The following USP4 variants were observed in gnomAD, a reference collection of about 807,000 sequenced individuals.
USP4 encodes the protein ubiquitin carboxyl-terminal hydrolase 4.
USP4 carries 72 observed loss-of-function variants against 118.2 expected under a neutral mutation model. The observed-to-expected ratio is 0.61, with a 90% CI of 0.50 to 0.74. USP4 has a LOEUF of 0.74. Ranked by LOEUF, USP4 falls within the 30% of genes least tolerant of loss-of-function variation. USP4 has a pLI of 0.00. For synonymous variants in USP4, 415 were observed against 440.4 expected (o/e 0.94, Z 0.72); for missense variants, 1,037 against 1,185.7 (o/e 0.87, Z 1.84).
At chr3:49,281,063 G>C (rs547544896) in intron 19 of USP4, among the ~76,000 whole-genome samples, 7 of 152,160 alleles carry the variant, frequency 4.6e-5, no homozygotes, top group Admixed American at 4.6e-4. Flanking sequence ...GCTCATGCCT[G>C]TAATCCCAGC....
chr3:49,309,943 C>CTTTTTTTTATTTTTTTTTTTTTTTT (rs2047366072), intron 8 of USP4, among the ~76,000 whole-genome samples: 1 of 40,236 alleles, frequency 2.5e-5, no homozygotes, highest in African/African-American at 1.1e-4. Context: ...TTTTTTTAAT[C>CTTTTTTTTATTTTTTTTTTTTTTTT]TTTTTTTTTT....
chr3:49,334,060 C>A (rs896334761), intron 2 of USP4, among the ~76,000 whole-genome samples: 1 of 151,430 alleles, frequency 6.6e-6, no homozygotes, highest in Non-Finnish European at 1.5e-5. Flanking sequence ...ATCACCATAA[C>A]AAATAATAAT....
chr3:49,292,476 T>C, intron 15 of USP4, 34 bp downstream of exon 15: 2 of 1,375,900 alleles, frequency 1.5e-6, no homozygotes, highest in Non-Finnish European at 2.0e-6. Context: ...AGGTATTTGG[T>C]CAGTCACAGC....
At chr3:49,290,347 G>A (rs1418443031) in intron 15 of USP4, among the ~76,000 whole-genome samples, 1 of 152,162 alleles carries the variant, frequency 6.6e-6, no homozygotes, top group African/African-American at 2.4e-5. Context: ...CCAAGAGACT[G>A]AGGCTGCAGT....
intron 19 of USP4, among the ~76,000 whole-genome samples, chr3:49,281,960 G>A (rs1311345369): frequency 2.0e-5 from 3 of 151,710 alleles, no homozygotes; most frequent in African/African-American, 7.3e-5. Context: ...GTAGTGAGCC[G>A]AGATCGCACC....
intron 18 of USP4, 135 bp downstream of exon 18, chr3:49,284,331 G>A (rs772998649): frequency 1.3e-4 from 140 of 1,037,938 alleles, no homozygotes; most frequent in Non-Finnish European, 1.9e-4. Context: ...ACTCACAGAG[G>A]ATTATGTTGT....
chr3:49,296,114 G>A lies in USP4; in HGVS notation c.1692-1516C>T, dbSNP rs541681658. 7.2e-5 allele frequency among the ~76,000 whole-genome samples: 11 copies of A among 151,768 alleles called. No individual in the cohort carries two copies. The South Asian group carries it at 1.9e-3, about 26-fold the overall frequency. On this transcript the variant is annotated intron_variant, in intron 13 of 21. Coordinates refer to ENST00000265560, the MANE Select transcript of USP4 (RefSeq NM_003363.4). ...TGGGAGGCCGAGGGGGACGGATTAC[G>A]AGGTCAGGAGATCGAGACCACCCTA...
intron 18 of USP4, 121 bp downstream of exon 18, chr3:49,284,345 G>T: frequency 1.9e-6 from 2 of 1,041,066 alleles, no homozygotes; most frequent in Non-Finnish European, 2.9e-6. Flanking sequence ...ATGTTGTAGG[G>T]TTAGCTATAT....
At chr3:49,317,744 G>T (rs1361439031) in intron 6 of USP4, among the ~76,000 whole-genome samples, 1 of 151,326 alleles carries the variant, frequency 6.6e-6, no homozygotes, top group Non-Finnish European at 1.5e-5. Flanking sequence ...AGTAGAGACG[G>T]GGTTTCACTG....
Position 49,294,535 on chromosome 3 carries a change from C to T in USP4, c.1755G>A (p.Arg585=). ...TGCTTGATGGCCTGGACTTCCTCTC[C>T]CTGAAGTAGACTGGAAGCGTGACAC... ...SECVTLPVYF[R]ERKSRPSSTS... Residue 585 remains arginine (R), a synonymous_variant, in exon 14 of 22, where the codon AGG becomes AGA. Transcript: ENST00000265560. 6.2e-7 allele frequency: 1 copy of T among 1,614,162 alleles called. No individual in the cohort carries two copies. The highest frequency in any genetic ancestry group is 2.2e-5 in the East Asian group (1 of 44,880).
In USP4 at chr3:49,278,814, C is replaced by G; in HGVS notation, c.2733G>C (p.Val911=). ...GAACCACATATCATGGCCTACTCAC[C>G]ACTATCTGATCCTCAGAGGCCAGGG... ...NVSLASEDQI[V]TKAAYVLFYQ... is the part of the protein sequence containing the mutation. Residue 911 remains valine, a splice_region_variant and synonymous_variant, in exon 21 of 22, where the codon GTG becomes GTC. Coordinates refer to ENST00000265560, the MANE Select transcript of USP4 (RefSeq NM_003363.4). 2.5e-6 allele frequency: 4 copies of G among 1,603,554 alleles called. No individual in the cohort carries two copies. The highest frequency in any genetic ancestry group is 3.4e-6 in the Non-Finnish European group (4 of 1,173,288).
intron 19 of USP4, among the ~76,000 whole-genome samples, 169 bp downstream of exon 19, chr3:49,283,818 G>C (rs981487303): frequency 6.6e-6 from 1 of 152,166 alleles, no homozygotes; most frequent in Admixed American, 6.5e-5. Flanking sequence ...CCCAAAGATG[G>C]GAGGATAGGG....
At position 49,292,553 on chromosome 3, in the gene USP4, G is replaced by A; in HGVS notation, c.1929C>T (p.Pro643=). The change falls in exon 15 of 22, where the codon CCC becomes CCT. Residue 643 remains proline, a synonymous_variant. Coordinates refer to ENST00000265560, the MANE Select transcript of USP4 (RefSeq NM_003363.4). ...AGCCATTGCAGGCCCCTGGCTCCAA[G>A]GGTGAGCTGCCAAACTCATCAGGTA... ...QPLPDEFGSS[P]LEPGACNGSR... 6.2e-7 allele frequency: 1 copy of A among 1,601,434 alleles called. No homozygotes were observed. The highest frequency in any genetic ancestry group is 8.5e-7 in the Non-Finnish European group (1 of 1,173,342).
At chr3:49,298,058 C>T in intron 12 of USP4, 94 bp from the exon 13 acceptor site, 1 of 842,130 alleles carries the variant, frequency 1.2e-6, no homozygotes, top group Non-Finnish European at 1.9e-6. Flanking sequence ...AAAAAATACT[C>T]ATACTCAAAT....
At chr3:49,287,650 T>G (rs932871074) in intron 15 of USP4, among the ~76,000 whole-genome samples, 1 of 152,152 alleles carries the variant, frequency 6.6e-6, no homozygotes, top group Admixed American at 6.6e-5. Context: ...TTTTTGTATT[T>G]TTAGTAGAGA....
intron 13 of USP4, among the ~76,000 whole-genome samples, chr3:49,296,992 G>C (rs182100499): frequency 1.3e-5 from 2 of 152,316 alleles, no homozygotes; most frequent in East Asian, 3.9e-4. Context: ...TCTTGGGTGT[G>C]GCTAGGAACT....
chr3:49,306,185 T>C (rs1043866617), intron 8 of USP4, among the ~76,000 whole-genome samples: 1 of 151,922 alleles, frequency 6.6e-6, no homozygotes, highest in African/African-American at 2.4e-5. Flanking sequence ...ATAATTCTTA[T>C]TTAATGAAAA....
At chr3:49,281,373 G>A (rs1258536717) in intron 19 of USP4, among the ~76,000 whole-genome samples, 6 of 151,024 alleles carry the variant, frequency 4.0e-5, no homozygotes, top group Non-Finnish European at 7.4e-5. Context: ...GGAGAATGGC[G>A]TGAACCCGGG....
At chr3:49,317,237 T>C in intron 6 of USP4, 7 of 1,538,168 alleles carry the variant, frequency 4.6e-6, no homozygotes, top group Non-Finnish European at 6.3e-6. Context: ...TAGAACTTAC[T>C]GCAAGAGGCA....
Sources: gnomAD v4.1 joint callset for allele counts (sites outside exome capture counted in the v4.1 genomes callset) on GRCh38, gnomAD v4.1.1 for gene constraint, MANE v1.5 for transcripts, NCBI Gene and HGNC (gene_info 2026-07-23, HGNC 2026-07-21) for gene names.